The following WWOX variants were observed in gnomAD, a reference collection of about 807,000 sequenced individuals.
The protein encoded by WWOX is WW domain containing oxidoreductase.
Under a neutral mutation model 46.2 loss-of-function variants are expected in WWOX, and 69 were observed. That is an observed-to-expected ratio of 1.49 (90% CI 1.23 to 1.82). The LOEUF (loss-of-function observed/expected upper bound fraction) is 1.82. Ranked by LOEUF, WWOX falls within the 40% of genes most tolerant of loss-of-function variation. The pLI is 0.00. For synonymous variants in WWOX, 359 were observed against 202.6 expected, an observed-to-expected ratio of 1.77 and a Z score of -6.56; for missense variants, 919 against 542.6, an observed-to-expected ratio of 1.69 and a Z score of -6.89.
intron 8 of WWOX, among the ~76,000 whole-genome samples, chr16:78,634,579 G>T (rs924140759): frequency 3.3e-5 from 5 of 151,922 alleles, no homozygotes; most frequent in Non-Finnish European, 5.9e-5. Flanking sequence ...GGTGGCGGGC[G>T]CCTGTAATCC....
At chr16:79,201,866 T>A (rs2051359714) in intron 8 of WWOX, among the ~76,000 whole-genome samples, 2 of 152,232 alleles carry the variant, frequency 1.3e-5, no homozygotes, top group South Asian at 4.1e-4. Flanking sequence ...TGATTTCATT[T>A]TTGTTCACCT....
chr16:78,880,992 C>CTTT (rs71140838), intron 8 of WWOX, among the ~76,000 whole-genome samples: 44 of 113,514 alleles, frequency 3.9e-4, no homozygotes, highest in Admixed American at 9.2e-4. Context: ...AATTTTTTTT[C>CTTT]TTTTTTTTTT....
intron 8 of WWOX, among the ~76,000 whole-genome samples, chr16:78,678,452 T>A (rs761816100): frequency 5.9e-5 from 9 of 152,146 alleles, no homozygotes; most frequent in Non-Finnish European, 1.2e-4. Flanking sequence ...TTATAGAAAC[T>A]CAATTCAACA....
Position 79,162,623 on chromosome 16 carries a change from C to G in WWOX, c.1057-48985C>G, listed in dbSNP as rs576863715. 2.0e-5 allele frequency among the ~76,000 whole-genome samples: 3 copies of G among 152,330 alleles called. No individual in the cohort carries two copies. The East Asian group carries it at 5.8e-4, about 29-fold the overall frequency. ...AAGATCAGGCCTTGGGAGATGCAAA[C>G]AGTTTGCCCTTGGACCATGTCTTCT... is the stretch of plus-strand genomic sequence containing the variant. On this transcript the variant is annotated intron_variant, in intron 8 of 8. Coordinates refer to ENST00000566780, the MANE Select transcript of WWOX (RefSeq NM_016373.4).
intron 8 of WWOX, chr16:78,506,527 C>T (rs982602732): frequency 6.6e-6 from 1 of 152,144 alleles, no homozygotes; most frequent in African/African-American, 2.4e-5. Context: ...TCCTCCCTTT[C>T]TATATCTGTC....
At chr16:78,166,560 C>CT (rs981058662) in intron 5 of WWOX, among the ~76,000 whole-genome samples, 1 of 148,630 alleles carries the variant, frequency 6.7e-6, no homozygotes, top group African/African-American at 2.4e-5. Context: ...TTTTCTTTTT[C>CT]TTTTTTATTT....
rs530067188 is a variant in WWOX at position 78,785,829 on chromosome 16, C to T, written c.1056+353077C>T. On this transcript the variant is annotated intron_variant, in intron 8 of 8. Coordinates refer to ENST00000566780, the MANE Select transcript of WWOX (RefSeq NM_016373.4). ...GGTTTTAAAATACCAAAAAATATTT[C>T]TTCAATTTTTTTCTGCTACTCATAA... Among the ~76,000 whole-genome samples, 472 of 152,274 alleles carry T rather than the reference C, an allele frequency of 3.1e-3. 3 individuals are homozygous for T. The highest frequency in any genetic ancestry group is 5.2e-3 in the Non-Finnish European group (354 of 68,014).
intron 8 of WWOX, among the ~76,000 whole-genome samples, chr16:78,841,920 T>A (rs928362527): frequency 1.3e-5 from 2 of 152,170 alleles, no homozygotes; most frequent in Admixed American, 1.3e-4. Context: ...GGCTTGAGTA[T>A]CCTGATCTAA....
At chr16:78,101,997 A>G (rs1415780421) in intron 1 of WWOX, among the ~76,000 whole-genome samples, 1 of 152,120 alleles carries the variant, frequency 6.6e-6, no homozygotes, top group Non-Finnish European at 1.5e-5. Flanking sequence ...GCACCCTCAC[A>G]GTAACCTTCA....
At chr16:79,163,020 G>A (rs1012558236) in intron 8 of WWOX, among the ~76,000 whole-genome samples, 2 of 152,206 alleles carry the variant, frequency 1.3e-5, no homozygotes, top group Non-Finnish European at 2.9e-5. Context: ...CCTTTCAACA[G>A]TCACATGCAA....
intron 8 of WWOX, among the ~76,000 whole-genome samples, chr16:78,857,256 T>A (rs2052588454): frequency 6.6e-6 from 1 of 152,066 alleles, no homozygotes; most frequent in Non-Finnish European, 1.5e-5. Context: ...TTGGCAAACA[T>A]GAAAAAATTC....
intron 8 of WWOX, among the ~76,000 whole-genome samples, chr16:78,575,040 T>TATATATAA (rs2058164025): frequency 2.4e-4 from 1 of 4,108 alleles, no homozygotes; most frequent in Non-Finnish European, 4.9e-4. Flanking sequence ...TATATATATA[T>TATATATAA]ATATATATAT....
At chr16:78,719,986 GT>G (rs957815896) in intron 8 of WWOX, among the ~76,000 whole-genome samples, 3 of 152,028 alleles carry the variant, frequency 2.0e-5, no homozygotes, top group African/African-American at 7.2e-5. Context: ...AAAGTGGAAG[GT>G]TTTTTTCAGT....
intron 8 of WWOX, among the ~76,000 whole-genome samples, chr16:78,541,696 C>T (rs1306099671): frequency 6.6e-6 from 1 of 151,818 alleles, no homozygotes; most frequent in Non-Finnish European, 1.5e-5. Flanking sequence ...GTGATTTAGC[C>T]TTTGTTCCCC....
At chr16:78,325,097 T>G (rs978270769) in intron 5 of WWOX, among the ~76,000 whole-genome samples, 2 of 152,166 alleles carry the variant, frequency 1.3e-5, no homozygotes, top group African/African-American at 4.8e-5. Context: ...TGTAACAGCC[T>G]GGGAGTGTTG....
intron 8 of WWOX, among the ~76,000 whole-genome samples, chr16:78,482,252 T>C (rs1469887435): frequency 6.6e-6 from 1 of 152,148 alleles, no homozygotes; most frequent in Non-Finnish European, 1.5e-5. Context: ...TTATTATTTT[T>C]TGAGACAGAG....
intron 8 of WWOX, among the ~76,000 whole-genome samples, chr16:78,590,220 T>C (rs1296736341): frequency 6.6e-6 from 1 of 152,172 alleles, no homozygotes; most frequent in African/African-American, 2.4e-5. Context: ...CTCGTGGTTC[T>C]AGAGGCTGGA....
intron 8 of WWOX, among the ~76,000 whole-genome samples, chr16:78,961,572 A>C (rs944281328): frequency 6.6e-6 from 1 of 151,938 alleles, no homozygotes; most frequent in Non-Finnish European, 1.5e-5. Context: ...TGGTGGGTGC[A>C]TGGATGGGTG....
intron 8 of WWOX, among the ~76,000 whole-genome samples, chr16:78,961,020 G>T (rs1002338054): frequency 6.6e-6 from 1 of 152,130 alleles, no homozygotes; most frequent in African/African-American, 2.4e-5. Flanking sequence ...TGAGATGTCT[G>T]TAAAAGTAAT....
Sources: gnomAD v4.1 joint callset for allele counts (sites outside exome capture counted in the v4.1 genomes callset) on GRCh38, gnomAD v4.1.1 for gene constraint, MANE v1.5 for transcripts, NCBI Gene and HGNC (gene_info 2026-07-23, HGNC 2026-07-21) for gene names.